KATNA1: variants seen among roughly 807,000 people sequenced by gnomAD.
The protein encoded by KATNA1 is katanin p60 ATPase-containing subunit A1.
KATNA1 carries 42 observed loss-of-function variants against 62.6 expected under a neutral mutation model. The ratio of observed to expected loss-of-function variants is 0.67; its 90% CI spans 0.52 to 0.87. The LOEUF (loss-of-function observed/expected upper bound fraction) is 0.87, where lower values mean the gene tolerates loss of function less well. Ranked by LOEUF, KATNA1 falls within the 40% of genes least tolerant of loss-of-function variation. The probability of loss-of-function intolerance (pLI) is 0.00; values close to 1 mark genes in which losing one functional copy is unlikely to be tolerated. For missense variants in KATNA1, 498 were observed against 612.5 expected (o/e 0.81, Z 1.97); for synonymous variants, 186 against 201.9 (o/e 0.92, Z 0.67).
intron 3 of KATNA1, among the ~76,000 whole-genome samples, chr6:149,626,899 G>A (rs1434492360): frequency 3.3e-5 from 5 of 151,676 alleles, no homozygotes; most frequent in Admixed American, 2.6e-4. Flanking sequence ...CGGAAGAATC[G>A]CTTGAACCCG....
At chr6:149,596,776 G>A (rs1290114300) in intron 10 of KATNA1, among the ~76,000 whole-genome samples, 3 of 151,748 alleles carry the variant, frequency 2.0e-5, no homozygotes. Flanking sequence ...TGTTACCCAG[G>A]CCAGTCAAAC....
At chr6:149,607,607 A>G (rs1582762167) in intron 4 of KATNA1, among the ~76,000 whole-genome samples, 1 of 152,014 alleles carries the variant, frequency 6.6e-6, no homozygotes, top group East Asian at 1.9e-4. Context: ...ACAAGACTCC[A>G]TCTCAAATAA....
chr6:149,605,017 A>G (rs1778683321), intron 4 of KATNA1, among the ~76,000 whole-genome samples: 2 of 152,106 alleles, frequency 1.3e-5, no homozygotes, highest in South Asian at 4.1e-4. Context: ...TACTAAAAAT[A>G]CAAAAAATTA....
At chr6:149,629,839 A>G (rs1779764423) in intron 3 of KATNA1, among the ~76,000 whole-genome samples, 1 of 152,222 alleles carries the variant, frequency 6.6e-6, no homozygotes, top group East Asian at 1.9e-4. Flanking sequence ...TGGTATATAA[A>G]TCATAAATGT....
chr6:149,636,813 T>C (rs1350169098), intron 2 of KATNA1, among the ~76,000 whole-genome samples: 1 of 151,958 alleles, frequency 6.6e-6, no homozygotes, highest in Non-Finnish European at 1.5e-5. Flanking sequence ...GCTAATTTTT[T>C]TGTATTTTAG....
intron 1 of KATNA1, among the ~76,000 whole-genome samples, chr6:149,639,267 C>A (rs1257854921): frequency 6.6e-6 from 1 of 151,998 alleles, no homozygotes; most frequent in Non-Finnish European, 1.5e-5. Context: ...CCACTGTACT[C>A]CAGCCTGGGA....
chr6:149,597,313 TTAAG>T (rs1778363939), intron 9 of KATNA1, 124 bp from the exon 10 acceptor site: 3 of 1,247,096 alleles, frequency 2.4e-6, no homozygotes, highest in East Asian at 2.4e-5. Context: ...GAAGAGATAA[TTAAG>T]TAAAGAGCCA....
rs58319496 is a variant in KATNA1 at position 149,597,148 on chromosome 6, A to G, written c.1192T>C (p.Leu398=). 8.0e-4 allele frequency: 1,284 copies of G among 1,613,964 alleles called. 7 individuals are homozygous for G. In the African/African-American group the frequency reaches 0.015, roughly 19 times the overall value. The change falls in exon 10 of 11, where the codon TTG becomes CTG. Residue 398 remains leucine, a synonymous_variant. Coordinates refer to ENST00000367411, the MANE Select transcript of KATNA1 (RefSeq NM_007044.4). The stretch of plus-strand genomic sequence containing the variant: ...AGGTCAACATCATCAGCCAATTCCA[A>G]CTCACGTAGACTTATTCGTAATAGC... ...EELLRISLRE[L]ELADDVDLAS...
chr6:149,594,965 C>T lies in KATNA1; in HGVS notation c.*71G>A. The stretch of plus-strand genomic sequence containing the variant: ...TGAAAGTTAAAAAAAATATAGCACT[C>T]AGTACAATGAATTACTGCATTTAAT... On this transcript the variant is annotated 3_prime_UTR_variant, in exon 11 of 11. Coordinates refer to ENST00000367411, the MANE Select transcript of KATNA1 (RefSeq NM_007044.4). The T allele has an allele frequency of 8.5e-7, 1 of 1,181,208 alleles. No individual in the cohort carries two copies. Among genetic ancestry groups the T allele is most frequent in the Non-Finnish European group, 1.2e-6 (1 of 811,424 alleles). 73.2% of individuals were successfully genotyped at this position (1,181,208 alleles called of 1,614,324 possible). A position where few individuals can be genotyped will look rare whatever the true frequency, so the allele number is the denominator to read the frequency against.
intron 4 of KATNA1, among the ~76,000 whole-genome samples, chr6:149,616,573 A>G (rs1341476630): frequency 1.3e-5 from 2 of 152,194 alleles, no homozygotes; most frequent in Non-Finnish European, 2.9e-5. Flanking sequence ...CAGCCTGGCC[A>G]ACATGGTGAA....
intron 4 of KATNA1, among the ~76,000 whole-genome samples, chr6:149,605,321 A>G (rs191107061): frequency 6.6e-6 from 1 of 152,230 alleles, no homozygotes; most frequent in African/African-American, 2.4e-5. Flanking sequence ...CTAGCATAAA[A>G]AAATTAATAC....
chr6:149,600,863 GC>G (rs936494163), intron 7 of KATNA1, among the ~76,000 whole-genome samples: 2 of 151,800 alleles, frequency 1.3e-5, no homozygotes, highest in Admixed American at 6.6e-5. Context: ...GAGCACTTGG[GC>G]CTGGGAGGTC....
rs71270309 is a variant in KATNA1 at position 149,613,179 on chromosome 6, C to CAAAAAA, written c.502-8403_502-8398dup. On this transcript the variant is annotated intron_variant, in intron 4 of 10. Coordinates refer to ENST00000367411, the MANE Select transcript of KATNA1 (RefSeq NM_007044.4). Reference sequence around the variant, plus strand: ...TGGGCAACAGAGCGAGACTCTGTCTCAAAAAAAAAAAAAAAAAAAAAAAAA... The same window carrying CAAAAAA: ...TGGGCAACAGAGCGAGACTCTGTCTCAAAAAAAAAAAAAAAAAAAAAAAAAAAAAAA... 4.9e-3 allele frequency among the ~76,000 whole-genome samples: 62 copies of CAAAAAA among 12,576 alleles called. 13 individuals carry two copies. The highest frequency in any genetic ancestry group is 8.9e-3 in the Non-Finnish European group (36 of 4,046). The allele number at this position is 12,576 out of a possible 152,430, so 8.3% of individuals were successfully genotyped here. A position where few individuals can be genotyped will look rare whatever the true frequency, so the allele number is the denominator to read the frequency against.
At chr6:149,611,571 AAAG>A (rs1169140665) in intron 4 of KATNA1, among the ~76,000 whole-genome samples, 4 of 152,158 alleles carry the variant, frequency 2.6e-5, no homozygotes, top group African/African-American at 9.6e-5. Flanking sequence ...TCAATGAAAC[AAAG>A]GAGTCTTTTA....
In KATNA1 at chr6:149,626,495, C is replaced by T. The variant is rs1253241446; in HGVS notation, c.321-3212G>A. On this transcript the variant is annotated intron_variant, in intron 3 of 10. Transcript: ENST00000367411. ...ATTTTTAGTAGAGACGGGGTTTCAC[C>T]GTGGTCTCGATCTCCTGACCTCGTG... is the stretch of plus-strand genomic sequence containing the variant. Among the ~76,000 whole-genome samples the T allele has an allele frequency of 5.2e-4, 76 of 147,560 alleles. 1 individual carries two copies. Among genetic ancestry groups the T allele is most frequent in the Non-Finnish European group, 8.4e-4 (56 of 66,816 alleles).
intron 2 of KATNA1, among the ~76,000 whole-genome samples, chr6:149,634,295 T>TAAA (rs1341614156): frequency 1.4e-5 from 2 of 148,106 alleles, no homozygotes; most frequent in South Asian, 4.2e-4. Flanking sequence ...TAAAATAAAA[T>TAAA]AAAATAAAAT....
At chr6:149,601,548 C>T in intron 7 of KATNA1, 46 bp downstream of exon 7, 1 of 1,503,872 alleles carries the variant, frequency 6.6e-7, no homozygotes, top group Non-Finnish European at 8.9e-7. Flanking sequence ...CACTTTCTCC[C>T]CTTTTAGAGA....
chr6:149,610,154 G>T (rs1360880938), intron 4 of KATNA1, among the ~76,000 whole-genome samples: 2 of 143,812 alleles, frequency 1.4e-5, no homozygotes, highest in Non-Finnish European at 3.0e-5. Context: ...TAAAAAATTA[G>T]CCAGGTGTGG....
At chr6:149,615,500 G>A (rs1245299358) in intron 4 of KATNA1, among the ~76,000 whole-genome samples, 4 of 151,754 alleles carry the variant, frequency 2.6e-5, no homozygotes, top group African/African-American at 2.4e-5. Context: ...CACCATCCCC[G>A]GCGAGTAATG....
Sources: gnomAD v4.1 joint callset for allele counts (sites outside exome capture counted in the v4.1 genomes callset) on GRCh38, gnomAD v4.1.1 for gene constraint, MANE v1.5 for transcripts, NCBI Gene and HGNC (gene_info 2026-07-23, HGNC 2026-07-21) for gene names.